The following IQCH variants were observed in gnomAD, a reference collection of about 807,000 sequenced individuals.
IQCH encodes the protein IQ motif containing H.
IQCH carries 98 observed loss-of-function variants against 117.0 expected under a neutral mutation model. The ratio of observed to expected loss-of-function variants is 0.84; its 90% CI spans 0.71 to 0.99. IQCH has a LOEUF of 0.99. IQCH is among the 50% of genes least tolerant of loss of function. The pLI, the probability that IQCH is intolerant of heterozygous loss-of-function variation, is 0.00. For missense variants in IQCH, 1,102 were observed against 1,243.8 expected (o/e 0.89, Z 1.72); for synonymous variants, 412 against 448.2 (o/e 0.92, Z 1.02).
chr15:67,259,729 G>A (rs569066563), intron 1 of IQCH, among the ~76,000 whole-genome samples: 8 of 152,242 alleles, frequency 5.3e-5, no homozygotes, highest in African/African-American at 1.9e-4. Context: ...GCCTAGAGAG[G>A]GCCTTGCCCT....
In IQCH at chr15:67,376,422, C is replaced by G. The variant is rs980349391; in HGVS notation, c.1372+2989C>G. On this transcript the variant is annotated intron_variant, in intron 10 of 20. Coordinates refer to ENST00000335894, the MANE Select transcript of IQCH (RefSeq NM_001031715.3). This position sits in a 1 kb window ranked among gnomAD's most constrained non-coding sequence, Gnocchi z 5.0. ...CATTTCCAAAGTTGAGACAGATTCA[C>G]TAGTCAAAATCAGTTGGTAGGATTG... Among the ~76,000 whole-genome samples the G allele has an allele frequency of 2.6e-5, 4 of 152,188 alleles. No individual in the cohort carries two copies. Among genetic ancestry groups the G allele is most frequent in the African/African-American group, 4.8e-5 (2 of 41,442 alleles).
chr15:67,351,733 C>G (rs538701031), intron 6 of IQCH, among the ~76,000 whole-genome samples: 7 of 152,268 alleles, frequency 4.6e-5, no homozygotes, highest in African/African-American at 1.7e-4. Flanking sequence ...CCTTCATTAT[C>G]TCTATAATTG....
Position 67,496,832 on chromosome 15 carries a change from C to A in IQCH, c.2970+2466C>A, listed in dbSNP as rs2083825964. Among the ~76,000 whole-genome samples the A allele has an allele frequency of 6.6e-6, 1 of 151,276 alleles. No homozygotes were observed. The highest frequency in any genetic ancestry group is 6.6e-5 in the Admixed American group (1 of 15,186). ...AGGAGATCGAGACCATCCTGGCTAACAAGGTGAAACCCCGTCTCTACTAAA... is the reference window on the plus strand; with the variant it reads ...AGGAGATCGAGACCATCCTGGCTAAAAAGGTGAAACCCCGTCTCTACTAAA... On this transcript the variant is annotated intron_variant, in intron 20 of 20. Coordinates refer to ENST00000335894, the MANE Select transcript of IQCH (RefSeq NM_001031715.3). The surrounding 1 kb of genome is among the most constrained non-coding windows in gnomAD (Gnocchi z 4.4).
At chr15:67,399,498 T>C (rs1971574247) in intron 13 of IQCH, among the ~76,000 whole-genome samples, 1 of 152,214 alleles carries the variant, frequency 6.6e-6, no homozygotes. Flanking sequence ...AGTAGGTGTG[T>C]ATTCCAGGAA....
chr15:67,344,899 C>G (rs769593842), intron 6 of IQCH, among the ~76,000 whole-genome samples: 1 of 152,112 alleles, frequency 6.6e-6, no homozygotes, highest in Non-Finnish European at 1.5e-5. Flanking sequence ...CTAAGAATTG[C>G]AATTTAAATG....
At chr15:67,282,096 A>T (rs1166671776) in intron 4 of IQCH, 1 of 160,188 alleles carries the variant, frequency 6.2e-6, no homozygotes, top group Non-Finnish European at 1.4e-5. Flanking sequence ...CATCAATAAG[A>T]TACCACCAGA....
rs773540039 is a variant in IQCH, at chr15:67,279,516, G to A, written c.387+4G>A. ...GCCTGTCTTTCCAAGAGCAAAGGTA[G>A]GTATAGAGAAATTCATAGAGACAGA... On this transcript the variant is annotated splice_donor_region_variant and intron_variant, in intron 4 of 20. Transcript: ENST00000335894. 6 of 1,539,400 alleles carry A rather than the reference G, an allele frequency of 3.9e-6. No individual in the cohort carries two copies. The highest frequency in any genetic ancestry group is 5.3e-6 in the Non-Finnish European group (6 of 1,121,958).
chr15:67,487,270 T>G (rs2083509825), intron 18 of IQCH, among the ~76,000 whole-genome samples: 1 of 151,976 alleles, frequency 6.6e-6, no homozygotes, highest in Non-Finnish European at 1.5e-5. Flanking sequence ...GAGGTAGAGG[T>G]TGCAGTGAGC....
chr15:67,307,881 C>A (rs1459251253), intron 4 of IQCH, among the ~76,000 whole-genome samples: 2 of 152,122 alleles, frequency 1.3e-5, no homozygotes, highest in African/African-American at 2.4e-5. Flanking sequence ...ACAAATTAAT[C>A]TTTTGAAAGG....
rs1449302257 is a variant in IQCH at position 67,395,653 on chromosome 15, T to A, written c.1905+90T>A. On this transcript the variant is annotated intron_variant, in intron 13 of 20. Transcript: ENST00000335894. This position sits in a 1 kb window ranked among gnomAD's most constrained non-coding sequence, Gnocchi z 4.0. Reference sequence around the variant, plus strand: ...TTTCCAAGTCTTCTGGAGCCAGACCTACCCAATGAAGAATAGGTGGAATAT... The same window carrying A: ...TTTCCAAGTCTTCTGGAGCCAGACCAACCCAATGAAGAATAGGTGGAATAT... The A allele has an allele frequency of 1.7e-6, 2 of 1,145,558 alleles. No homozygotes were observed. The highest frequency in any genetic ancestry group is 2.5e-6 in the Non-Finnish European group (2 of 796,678). 71.0% of individuals were successfully genotyped at this position (1,145,558 alleles called of 1,614,324 possible). A position where few individuals can be genotyped will look rare whatever the true frequency, so the allele number is the denominator to read the frequency against.
At chr15:67,379,220 C>T (rs1025599552) in intron 10 of IQCH, among the ~76,000 whole-genome samples, 1 of 152,150 alleles carries the variant, frequency 6.6e-6, no homozygotes, top group Non-Finnish European at 1.5e-5. Flanking sequence ...AAATCTAGCC[C>T]TACACAGATA....
chr15:67,315,334 T>G (rs866531544), intron 4 of IQCH, among the ~76,000 whole-genome samples: 3 of 152,216 alleles, frequency 2.0e-5, no homozygotes, highest in Non-Finnish European at 4.4e-5. Context: ...TTTTATAGTC[T>G]GATGCACCCA....
At chr15:67,306,952 T>C (rs2140548335) in intron 4 of IQCH, 3 of 1,406,124 alleles carry the variant, frequency 2.1e-6, no homozygotes, top group Non-Finnish European at 2.8e-6. Flanking sequence ...AATTTGACTT[T>C]GATTTATTCC....
In IQCH at chr15:67,463,987, C is replaced by T. The variant is rs544176940; in HGVS notation, c.2506-1140C>T. On this transcript the variant is annotated intron_variant, in intron 16 of 20. Transcript: ENST00000335894. The surrounding 1 kb of genome is among the most constrained non-coding windows in gnomAD (Gnocchi z 4.0). ...CCTCCCAAGTATCTGAGATTACAGG[C>T]GCACGCCACCTTGCCCAGCTAACTT... Among the ~76,000 whole-genome samples, 6 of 152,200 alleles carry T rather than the reference C, an allele frequency of 3.9e-5. No individual in the cohort carries two copies. The East Asian group carries it at 7.7e-4, about 20-fold the overall frequency.
intron 4 of IQCH, among the ~76,000 whole-genome samples, chr15:67,333,596 C>A (rs750060399): frequency 7.2e-5 from 11 of 152,050 alleles, no homozygotes; most frequent in Non-Finnish European, 1.5e-4. Context: ...TGCTTGAAAT[C>A]TTTATAATGG....
chr15:67,281,482 G>A, intron 4 of IQCH: 1 of 326,100 alleles, frequency 3.1e-6, no homozygotes, highest in South Asian at 2.5e-5. Context: ...AGGTTCAGTG[G>A]CAAAACAGGT....
Position 67,416,874 on chromosome 15 carries a change from G to A in IQCH, c.2098-57G>A. 2.0e-6 allele frequency: 3 copies of A among 1,471,230 alleles called. No homozygotes were observed. Among genetic ancestry groups the A allele is most frequent in the Non-Finnish European group, 2.7e-6 (3 of 1,103,716 alleles). The allele number at this position is 1,471,230 out of a possible 1,614,324, so 91.1% of individuals were successfully genotyped here. On this transcript the variant is annotated intron_variant, in intron 14 of 20. Coordinates refer to ENST00000335894, the MANE Select transcript of IQCH (RefSeq NM_001031715.3). This position sits in a 1 kb window ranked among gnomAD's most constrained non-coding sequence, Gnocchi z 5.1. Reference sequence around the variant, plus strand: ...GGCCTGGTTTTTAATCACTCCACAAGCAGTTTTCATTTCTGTAGTAAAATT... The same window carrying A: ...GGCCTGGTTTTTAATCACTCCACAAACAGTTTTCATTTCTGTAGTAAAATT...
chr15:67,343,680 A>T (rs1237211899), intron 5 of IQCH, among the ~76,000 whole-genome samples: 3 of 152,168 alleles, frequency 2.0e-5, no homozygotes, highest in African/African-American at 7.2e-5. Flanking sequence ...GGAACAAAGG[A>T]TCTCCTTAGT....
intron 20 of IQCH, among the ~76,000 whole-genome samples, chr15:67,498,923 G>A (rs1196413029): frequency 6.6e-6 from 1 of 152,150 alleles, no homozygotes; most frequent in Non-Finnish European, 1.5e-5. Flanking sequence ...AAGTACTCTT[G>A]TACTCTTACA....
Sources: allele counts gnomAD v4.1 joint callset (sites outside exome capture counted in the v4.1 genomes callset), GRCh38; gene constraint gnomAD v4.1.1; non-coding constraint Gnocchi (gnomAD v3.1); transcripts MANE v1.5; gene names NCBI Gene and HGNC (gene_info 2026-07-23, HGNC 2026-07-21).